CSPG5: variants seen among roughly 807,000 people sequenced by gnomAD.
CSPG5 encodes chondroitin sulfate proteoglycan 5.
Under a neutral mutation model 39.8 loss-of-function variants are expected in CSPG5, and 25 were observed. The observed-to-expected ratio is 0.63, with a 90% confidence interval of 0.46 to 0.88. The LOEUF is 0.88. Among genes scored for constraint, CSPG5 ranks in the 40% least tolerant of loss-of-function variants. The pLI is 0.00. For synonymous variants in CSPG5, 295 were observed against 303.9 expected (o/e 0.97, Z 0.31); for missense variants, 627 against 702.2 (o/e 0.89, Z 1.21).
At position 47,562,556 on chromosome 3, in the gene CSPG5, TACCCCCC is replaced by T; in HGVS notation, c.*37_*43del. 4.5e-6 allele frequency: 5 copies of T among 1,110,118 alleles called. No individual in the cohort carries two copies. The highest frequency in any genetic ancestry group is 6.8e-6 in the Non-Finnish European group (5 of 734,852). 68.8% of individuals were successfully genotyped at this position (1,110,118 alleles called of 1,614,324 possible). A position where few individuals can be genotyped will look rare whatever the true frequency, so the allele number is the denominator to read the frequency against. ...CAAGAGGAGATAATGTTTCTTCCCCTACCCCCCACCCACTACCCCCGCTTCCTCTCTT... is the reference window on the plus strand; with the variant it reads ...CAAGAGGAGATAATGTTTCTTCCCCTACCCACTACCCCCGCTTCCTCTCTT... On this transcript the variant is annotated 3_prime_UTR_variant, in exon 5 of 5. Coordinates refer to ENST00000264723, the MANE Select transcript of CSPG5 (RefSeq NM_006574.4).
intron 2 of CSPG5, among the ~76,000 whole-genome samples, chr3:47,575,207 C>G (rs1425407165): frequency 6.6e-6 from 1 of 152,170 alleles, no homozygotes; most frequent in Non-Finnish European, 1.5e-5. Context: ...GGGCGGATCA[C>G]TTGAGGTCAG....
intron 2 of CSPG5, among the ~76,000 whole-genome samples, chr3:47,573,149 T>A (rs958197080): frequency 5.9e-5 from 9 of 152,216 alleles, no homozygotes; most frequent in African/African-American, 2.2e-4. Context: ...CAAAGTTCTC[T>A]GACTGCTAAG....
chr3:47,566,768 G>T (rs539760218), intron 4 of CSPG5, among the ~76,000 whole-genome samples: 2 of 152,310 alleles, frequency 1.3e-5, no homozygotes, highest in South Asian at 4.1e-4. Context: ...GGGATGGCTT[G>T]AGTGCCGCCC....
At position 47,569,235 on chromosome 3, in the gene CSPG5, G is replaced by A. The variant is rs2031434627; in HGVS notation, c.1383-8C>T. ...GATGGGGTCCGGAATTTGCTGGTTA[G>A]GAGAGAAGAGTGAAGGAAACATGTA... is the stretch of plus-strand genomic sequence containing the variant. On this transcript the variant is annotated splice_polypyrimidine_tract_variant and splice_region_variant and intron_variant, in intron 3 of 4. Coordinates refer to ENST00000264723, the MANE Select transcript of CSPG5 (RefSeq NM_006574.4). The A allele has an allele frequency of 1.2e-6, 2 of 1,612,934 alleles. No individual in the cohort carries two copies. Among genetic ancestry groups the A allele is most frequent in the Non-Finnish European group, 1.7e-6 (2 of 1,179,166 alleles).
rs945004273 is a variant in CSPG5, at chr3:47,572,950, C to T, written c.1194-76G>A. 1.4e-5 allele frequency: 17 copies of T among 1,258,096 alleles called. No homozygotes were observed. In the Admixed American group the frequency reaches 4.0e-4, roughly 30 times the overall value. 77.9% of individuals were successfully genotyped at this position (1,258,096 alleles called of 1,614,324 possible). A position where few individuals can be genotyped will look rare whatever the true frequency, so the allele number is the denominator to read the frequency against. On this transcript the variant is annotated intron_variant, in intron 2 of 4. Transcript: ENST00000264723. This position sits in a 1 kb window ranked among gnomAD's most constrained non-coding sequence, Gnocchi z 4.5. ...CACAGTAAGGGCCTGGGCCCTGACC[C>T]CAACACCTATCTCCACAGCCTGTTC... is the stretch of plus-strand genomic sequence containing the variant.
intron 4 of CSPG5, among the ~76,000 whole-genome samples, chr3:47,564,946 A>G (rs1186689507): frequency 6.6e-6 from 1 of 152,130 alleles, no homozygotes; most frequent in Non-Finnish European, 1.5e-5. Context: ...TGGACTTTGA[A>G]TCACACTAAA....
chr3:47,562,947 A>G (rs1034889836), intron 4 of CSPG5, among the ~76,000 whole-genome samples, 186 bp from the exon 5 acceptor site: 6 of 152,220 alleles, frequency 3.9e-5, no homozygotes, highest in Non-Finnish European at 2.9e-5. Flanking sequence ...CATCCTTACA[A>G]GAAATGGCCA....
At chr3:47,568,006 TGTA>T (rs1360835104) in intron 4 of CSPG5, among the ~76,000 whole-genome samples, 1 of 152,180 alleles carries the variant, frequency 6.6e-6, no homozygotes, top group African/African-American at 2.4e-5. Context: ...TAGTGGCTGT[TGTA>T]GTAGACAGAG....
At position 47,576,821 on chromosome 3, in the gene CSPG5, C is replaced by T. The variant is rs1204034712; in HGVS notation, c.1193+12G>A. On this transcript the variant is annotated intron_variant, in intron 2 of 4. Transcript: ENST00000264723. ...TTCAGTGTCCCTATGCACCTGCCTG[C>T]CATGCCCTTACCTGCAGAAGGCCCC... 6.5e-7 allele frequency: 1 copy of T among 1,541,790 alleles called. No homozygotes were observed. Among genetic ancestry groups the T allele is most frequent in the East Asian group, 2.3e-5 (1 of 44,246 alleles).
At position 47,572,748 on chromosome 3, in the gene CSPG5, C is replaced by T. The variant is rs575220758; in HGVS notation, c.1320G>A (p.Thr440=). 54 of 1,614,164 alleles carry T rather than the reference C, an allele frequency of 3.3e-5. 1 individual carries two copies. The highest frequency in any genetic ancestry group is 2.4e-4 in the South Asian group (22 of 91,084). The change falls in exon 3 of 5, where the codon ACG becomes ACA. Residue 440 remains threonine, a synonymous_variant. Coordinates refer to ENST00000264723, the MANE Select transcript of CSPG5 (RefSeq NM_006574.4). The surrounding 1 kb of genome is among the most constrained non-coding windows in gnomAD (Gnocchi z 4.5). ...GGTAGAGCTTCTTGGCAAAGAACACCGTCATCATGAAGAGCAGGAGCAGGA... is the reference window on the plus strand; with the variant it reads ...GGTAGAGCTTCTTGGCAAAGAACACTGTCATCATGAAGAGCAGGAGCAGGA... The part of the protein sequence containing the change: ...ALVLLLLFMM[T]VFFAKKLYLL...
chr3:47,576,947 C>A lies in CSPG5; in HGVS notation c.1079G>T (p.Arg360Leu), dbSNP rs201338850. The A allele has an allele frequency of 3.7e-6, 6 of 1,613,486 alleles. No homozygotes were observed. The African/African-American group carries it at 6.7e-5, about 18-fold the overall frequency. ...LASSENGTEC[R>L]SGFVRHNGSC... ...GCCGTTATGCCGCACAAAGCCACTG[C>A]GGCACTCAGTGCCATTTTCACTGGA... Residue 360 changes from arginine to leucine, a missense_variant, in exon 2 of 5, where the codon CGC becomes CTC. Arg to Leu is a moderately radical substitution (Grantham distance 102). Transcript: ENST00000264723.
At chr3:47,566,573 A>T (rs1263827706) in intron 4 of CSPG5, among the ~76,000 whole-genome samples, 1 of 152,128 alleles carries the variant, frequency 6.6e-6, no homozygotes, top group East Asian at 1.9e-4. Flanking sequence ...TAGGAGAGTC[A>T]CCCCTCACAT....
At chr3:47,579,893 A>C (rs1251407466), upstream of CSPG5, 3 of 152,190 alleles carry the variant, frequency 2.0e-5, no homozygotes, top group Non-Finnish European at 2.9e-5. This position sits in a 1 kb window ranked among gnomAD's most constrained non-coding sequence, Gnocchi z 4.2. Flanking sequence ...TACTCACCCA[A>C]ATGACAGTTC....
chr3:47,577,870 C>G lies in CSPG5; in HGVS notation c.156G>C (p.Trp52Cys). 1 of 1,524,338 alleles carries G rather than the reference C, an allele frequency of 6.6e-7. No individual in the cohort carries two copies. The highest frequency in any genetic ancestry group is 8.7e-7 in the Non-Finnish European group (1 of 1,147,798). 94.4% of individuals were successfully genotyped at this position (1,524,338 alleles called of 1,614,324 possible). Residue 52 changes from tryptophan to cysteine, a missense_variant, in exon 2 of 5, where the codon TGG becomes TGC. By Grantham distance (215) the Trp-to-Cys change is radical. Coordinates refer to ENST00000264723, the MANE Select transcript of CSPG5 (RefSeq NM_006574.4). The surrounding 1 kb of genome is among the most constrained non-coding windows in gnomAD (Gnocchi z 4.7). Reference protein sequence around the residue: ...AEELVKGSPAWEPPANDTREE... With the variant: ...AEELVKGSPACEPPANDTREE... Reference sequence around the variant, plus strand: ...CCCGCGTGTCGTTGGCAGGCGGCTCCCACGCCGGGCTGCCCTTCACCAGCT... The same window carrying G: ...CCCGCGTGTCGTTGGCAGGCGGCTCGCACGCCGGGCTGCCCTTCACCAGCT...
chr3:47,578,627 C>A lies in CSPG5; in HGVS notation c.67G>T (p.Ala23Ser). 1 of 1,169,188 alleles carries A rather than the reference C, an allele frequency of 8.6e-7. No individual in the cohort carries two copies. 72.4% of individuals were successfully genotyped at this position (1,169,188 alleles called of 1,614,324 possible). Residue 23 changes from alanine to serine, a missense_variant, in exon 1 of 5, where the codon GCG becomes TCG. Physicochemically the swap from Ala to Ser is moderately conservative, Grantham distance 99 (BLOSUM62 1). Coordinates refer to ENST00000264723, the MANE Select transcript of CSPG5 (RefSeq NM_006574.4). The surrounding 1 kb of genome is among the most constrained non-coding windows in gnomAD (Gnocchi z 6.0). ...ACGGCCCCAGAGGCCAGGACCAGCG[C>A]GGCCCCCAGAAACAGCAGCAGTGGC... ...PPPLLLFLGA[A>S]LVLASGAVPA...
intron 4 of CSPG5, among the ~76,000 whole-genome samples, chr3:47,566,048 G>A (rs1360185697): frequency 6.6e-6 from 1 of 152,140 alleles, no homozygotes; most frequent in African/African-American, 2.4e-5. Context: ...GGTGCCACCG[G>A]CACAGATACC....
chr3:47,574,156 T>C (rs918516568), intron 2 of CSPG5, among the ~76,000 whole-genome samples: 4 of 152,184 alleles, frequency 2.6e-5, no homozygotes, highest in Non-Finnish European at 5.9e-5. Context: ...GGAGAAGCCC[T>C]TGTGAGGCAG....
In CSPG5 at chr3:47,578,276, C is replaced by T. The variant is rs2031851689; in HGVS notation, c.97+321G>A. On this transcript the variant is annotated intron_variant, in intron 1 of 4. Transcript: ENST00000264723. The surrounding 1 kb of genome is among the most constrained non-coding windows in gnomAD (Gnocchi z 6.0). ...AGCCGCGTCCACTGGCTCCCGCCCT[C>T]AGCTCCAGGTCCCGCCCCGAAGTCT... The T allele has an allele frequency of 3.8e-6, 1 of 265,418 alleles. No individual in the cohort carries two copies. Among genetic ancestry groups the T allele is most frequent in the Non-Finnish European group, 7.0e-6 (1 of 142,544 alleles). 16.4% of individuals were successfully genotyped at this position (265,418 alleles called of 1,614,324 possible). A position where few individuals can be genotyped will look rare whatever the true frequency, so the allele number is the denominator to read the frequency against.
At chr3:47,567,578 T>C (rs1291818789) in intron 4 of CSPG5, among the ~76,000 whole-genome samples, 1 of 152,248 alleles carries the variant, frequency 6.6e-6, no homozygotes, top group South Asian at 2.1e-4. Context: ...TAAGTTTACC[T>C]CTTTCATTTC....
Sources: allele counts gnomAD v4.1 joint callset (sites outside exome capture counted in the v4.1 genomes callset), GRCh38; gene constraint gnomAD v4.1.1; non-coding constraint Gnocchi (gnomAD v3.1); transcripts MANE v1.5; gene names NCBI Gene and HGNC (gene_info 2026-07-23, HGNC 2026-07-21).